The following VAT1L variants were observed in gnomAD, a reference collection of about 807,000 sequenced individuals.
VAT1L encodes putative NADPH-dependent quinone oxidoreductase VAT1L.
In VAT1L, 34 loss-of-function variants were observed where a neutral mutation model predicts 44.1. The observed-to-expected ratio is 0.77, with a 90% confidence interval of 0.59 to 1.03. The LOEUF (loss-of-function observed/expected upper bound fraction) is 1.03, where lower values mean the gene tolerates loss of function less well. Ranked by LOEUF, VAT1L falls within the 50% of genes least tolerant of loss-of-function variation. The pLI is 0.00. For missense variants in VAT1L, 615 were observed against 538.8 expected (o/e 1.14, Z -1.40); for synonymous variants, 253 against 202.2 (o/e 1.25, Z -2.13).
In VAT1L at chr16:77,884,604, G is replaced by A; in HGVS notation, c.883-4G>A. The A allele has an allele frequency of 6.2e-7, 1 of 1,612,344 alleles. No homozygotes were observed. The highest frequency in any genetic ancestry group is 1.3e-5 in the African/African-American group (1 of 74,942). On this transcript the variant is annotated splice_region_variant and splice_polypyrimidine_tract_variant and intron_variant, in intron 6 of 8. Coordinates refer to ENST00000302536, the MANE Select transcript of VAT1L (RefSeq NM_020927.3). This position sits in a 1 kb window ranked among gnomAD's most constrained non-coding sequence, Gnocchi z 4.5. ...CTATAACCCAATACCACCTCTCTTT[G>A]CAGTGGTGGCAGGTGGAGAAGGTGA...
At chr16:77,941,593 C>T (rs1399833610) in intron 7 of VAT1L, among the ~76,000 whole-genome samples, 2 of 152,122 alleles carry the variant, frequency 1.3e-5, no homozygotes, top group Non-Finnish European at 2.9e-5. Flanking sequence ...GAAATTGCCA[C>T]ACTGCCTTTT....
intron 7 of VAT1L, among the ~76,000 whole-genome samples, chr16:77,968,474 C>G (rs2018246585): frequency 6.6e-6 from 1 of 152,048 alleles, no homozygotes; most frequent in South Asian, 2.1e-4. Flanking sequence ...GCCTGTAATC[C>G]CAGCACTTTG....
At chr16:77,791,122 C>A (rs2015827173) in intron 1 of VAT1L, among the ~76,000 whole-genome samples, 3 of 152,152 alleles carry the variant, frequency 2.0e-5, no homozygotes, top group Admixed American at 2.0e-4. Flanking sequence ...TGTAAATGGC[C>A]CACTGGGCAG....
At chr16:77,794,106 A>G (rs2015885016) in intron 1 of VAT1L, among the ~76,000 whole-genome samples, 1 of 152,194 alleles carries the variant, frequency 6.6e-6, no homozygotes, top group Non-Finnish European at 1.5e-5. Context: ...AATCAGACAG[A>G]CACAGTGACA....
At chr16:77,809,288 A>C (rs950629859) in intron 1 of VAT1L, among the ~76,000 whole-genome samples, 3 of 152,212 alleles carry the variant, frequency 2.0e-5, no homozygotes, top group Non-Finnish European at 1.5e-5. Context: ...AAAGCGCCCC[A>C]TAAAAGTTAC....
intron 8 of VAT1L, among the ~76,000 whole-genome samples, chr16:77,975,218 T>G (rs1013760682): frequency 7.3e-6 from 1 of 136,650 alleles, no homozygotes; most frequent in African/African-American, 2.7e-5. Flanking sequence ...TTTTTTTTTT[T>G]TTTTTTTTTT....
intron 3 of VAT1L, among the ~76,000 whole-genome samples, chr16:77,852,797 G>A (rs189102060): frequency 3.5e-4 from 54 of 152,312 alleles, no homozygotes; most frequent in African/African-American, 1.3e-3. Context: ...GGAAGCTGGA[G>A]TCATACTACT....
chr16:77,818,700 G>C (rs527619227), intron 2 of VAT1L, among the ~76,000 whole-genome samples: 2 of 152,244 alleles, frequency 1.3e-5, no homozygotes, highest in African/African-American at 4.8e-5. Flanking sequence ...TTGCTAATTT[G>C]CCCTGGCTTG....
chr16:77,913,457 C>T (rs1261065181), intron 7 of VAT1L, among the ~76,000 whole-genome samples: 2 of 152,034 alleles, frequency 1.3e-5, no homozygotes, highest in East Asian at 3.9e-4. Flanking sequence ...GGACCCCCCT[C>T]CCCCAACAAA....
In VAT1L at chr16:77,856,155, G is replaced by T. The variant is rs193052679; in HGVS notation, c.580-6593G>T. Among the ~76,000 whole-genome samples the T allele has an allele frequency of 1.4e-3, 214 of 152,308 alleles. 1 individual carries two copies. Among genetic ancestry groups the T allele is most frequent in the South Asian group, 5.2e-3 (25 of 4,828 alleles). Reference sequence around the variant, plus strand: ...AGGAAAGAGGATTCCAAGCAGTGGGGATTGTATGTGCAAAGATCCTACAGT... The same window carrying T: ...AGGAAAGAGGATTCCAAGCAGTGGGTATTGTATGTGCAAAGATCCTACAGT... On this transcript the variant is annotated intron_variant, in intron 3 of 8. Coordinates refer to ENST00000302536, the MANE Select transcript of VAT1L (RefSeq NM_020927.3).
At position 77,853,363 on chromosome 16, in the gene VAT1L, T is replaced by C. The variant is rs907093108; in HGVS notation, c.580-9385T>C. On this transcript the variant is annotated intron_variant, in intron 3 of 8. Coordinates refer to ENST00000302536, the MANE Select transcript of VAT1L (RefSeq NM_020927.3). ...GAAGTGGATTGCTACAATGCCATAA[T>C]TGAGCAAATTAGAAGGATGCCTTTA... Among the ~76,000 whole-genome samples, 4 of 152,298 alleles carry C rather than the reference T, an allele frequency of 2.6e-5. No individual in the cohort carries two copies. The Middle Eastern group carries it at 0.01, about 389-fold the overall frequency.
chr16:77,932,967 C>T (rs1311194136), intron 7 of VAT1L, among the ~76,000 whole-genome samples: 3 of 152,176 alleles, frequency 2.0e-5, no homozygotes, highest in African/African-American at 7.2e-5. Context: ...GGGGACAATT[C>T]TCCCCCACAC....
intron 1 of VAT1L, among the ~76,000 whole-genome samples, chr16:77,804,945 C>T (rs540683806): frequency 1.2e-4 from 18 of 152,196 alleles, no homozygotes; most frequent in African/African-American, 3.6e-4. Flanking sequence ...TCAGATGGGT[C>T]GGAAAACTCC....
At chr16:77,802,196 C>A (rs972630413) in intron 1 of VAT1L, among the ~76,000 whole-genome samples, 1 of 152,194 alleles carries the variant, frequency 6.6e-6, no homozygotes, top group African/African-American at 2.4e-5. Context: ...TAGCAGTTTT[C>A]TTTCCTTTTC....
intron 4 of VAT1L, among the ~76,000 whole-genome samples, chr16:77,871,759 A>G (rs1480570344): frequency 6.6e-6 from 1 of 151,880 alleles, no homozygotes; most frequent in African/African-American, 2.4e-5. Flanking sequence ...AAACTTACGA[A>G]CTTCTTAGCA....
At chr16:77,958,742 T>C (rs1432047928) in intron 7 of VAT1L, among the ~76,000 whole-genome samples, 4 of 152,208 alleles carry the variant, frequency 2.6e-5, no homozygotes, top group African/African-American at 9.6e-5. Flanking sequence ...GGAGAACAAC[T>C]ACCATCCAAG....
intron 7 of VAT1L, among the ~76,000 whole-genome samples, chr16:77,955,965 T>C (rs1054071947): frequency 2.6e-5 from 4 of 152,156 alleles, no homozygotes; most frequent in African/African-American, 9.7e-5. Flanking sequence ...TTTCTCTGTA[T>C]CCACTGTTTA....
Position 77,788,818 on chromosome 16 carries a change from G to C in VAT1L, c.136G>C (p.Val46Leu), listed in dbSNP as rs1459560131. The C allele has an allele frequency of 1.3e-6, 2 of 1,577,958 alleles. No individual in the cohort carries two copies. Among genetic ancestry groups the C allele is most frequent in the South Asian group, 1.2e-5 (1 of 85,810 alleles). The change falls in exon 1 of 9, where the codon GTG (valine) becomes CTG (leucine). Residue 46 changes from valine (V) to leucine (L), a missense_variant. Coordinates refer to ENST00000302536, the MANE Select transcript of VAT1L (RefSeq NM_020927.3). The part of the protein sequence containing the change: ...LGDAQEMRAV[V>L]LAGFGGLNKL... ...GGACGCCCAGGAGATGCGCGCGGTGGTGCTGGCTGGCTTCGGGGGGCTCAA... is the reference window on the plus strand; with the variant it reads ...GGACGCCCAGGAGATGCGCGCGGTGCTGCTGGCTGGCTTCGGGGGGCTCAA...
intron 4 of VAT1L, among the ~76,000 whole-genome samples, chr16:77,874,504 A>C (rs1170282163): frequency 6.6e-6 from 1 of 152,062 alleles, no homozygotes; most frequent in African/African-American, 2.4e-5. Context: ...TACTCCAGCC[A>C]CACTGGCTGC....
Sources: allele counts gnomAD v4.1 joint callset (sites outside exome capture counted in the v4.1 genomes callset), GRCh38; gene constraint gnomAD v4.1.1; non-coding constraint Gnocchi (gnomAD v3.1); transcripts MANE v1.5; gene names NCBI Gene and HGNC (gene_info 2026-07-23, HGNC 2026-07-21).